Variants in RBL2 observed in about 807,000 individuals in gnomAD.
RBL2 encodes the protein retinoblastoma-like protein 2.
In RBL2, 56 loss-of-function variants were observed where a neutral mutation model predicts 126.0. That is an observed-to-expected ratio of 0.44 (90% CI 0.36 to 0.56). The LOEUF is 0.56. Ranked by LOEUF, RBL2 falls within the 20% of genes least tolerant of loss-of-function variation. The probability of loss-of-function intolerance (pLI) is 0.00; values close to 1 mark genes in which losing one functional copy is unlikely to be tolerated. For missense variants in RBL2, 1,229 were observed against 1,398.2 expected (o/e 0.88, Z 1.93); for synonymous variants, 454 against 478.5 (o/e 0.95, Z 0.67).
intron 14 of RBL2, among the ~76,000 whole-genome samples, chr16:53,468,443 TC>T (rs1325716666): frequency 6.6e-6 from 1 of 151,990 alleles, no homozygotes; most frequent in Non-Finnish European, 1.5e-5. Context: ...TTATGAAAAG[TC>T]CTCATTTTTG....
chr16:53,480,141 A>C, intron 19 of RBL2, 150 bp downstream of exon 19: 1 of 606,666 alleles, frequency 1.6e-6, no homozygotes, highest in Non-Finnish European at 2.9e-6. Context: ...CTAGCTGGCA[A>C]AACTGTCCAT....
At chr16:53,458,998 T>G (rs532267079) in intron 8 of RBL2, among the ~76,000 whole-genome samples, 22 of 152,306 alleles carry the variant, frequency 1.4e-4, no homozygotes, top group African/African-American at 5.3e-4. Context: ...GGAACCAAAT[T>G]TAATCACAAT....
At position 53,438,843 on chromosome 16, in the gene RBL2, CAAAAAAAAAAAA is replaced by C. The variant is rs11302382; in HGVS notation, c.241-155_241-144del. Among the ~76,000 whole-genome samples the C allele has an allele frequency of 6.9e-4, 21 of 30,532 alleles. 1 individual carries two copies. Among genetic ancestry groups the C allele is most frequent in the Non-Finnish European group, 7.8e-4 (12 of 15,438 alleles). 20.0% of individuals were successfully genotyped at this position (30,532 alleles called of 152,430 possible). ...TGGGTGACAGAGCAAGATTCCATCT[CAAAAAAAAAAAA>C]AAAAAAAAAAAAAAAAAGAGCGTAT... On this transcript the variant is annotated intron_variant, in intron 1 of 21. Transcript: ENST00000262133.
intron 4 of RBL2, among the ~76,000 whole-genome samples, chr16:53,449,771 A>T (rs374695435): frequency 1.1e-4 from 16 of 152,258 alleles, no homozygotes; most frequent in African/African-American, 3.8e-4. Flanking sequence ...TCTGGAGATG[A>T]AACATTTCTA....
intron 11 of RBL2, among the ~76,000 whole-genome samples, chr16:53,463,022 G>A (rs534915576): frequency 7.2e-5 from 11 of 152,136 alleles, no homozygotes; most frequent in African/African-American, 2.2e-4. Context: ...TGTATTTTTC[G>A]TAGAGATGGG....
chr16:53,434,730 G>A lies in RBL2; in HGVS notation c.174G>A (p.Met58Ile). ...RFDELCSRLN[M>I]DEAARAEAWD... ...ACGAGCTGTGCAGCCGCCTCAACAT[G>A]GACGAGGCGGCGCGGGCCGAGGCCT... The change falls in exon 1 of 22, where the codon ATG becomes ATA. Residue 58 changes from methionine (M) to isoleucine (I), a missense_variant. By Grantham distance (10) the Met-to-Ile change is conservative (BLOSUM62 1). Transcript: ENST00000262133. The A allele has an allele frequency of 6.4e-7, 1 of 1,551,162 alleles. No homozygotes were observed. Among genetic ancestry groups the A allele is most frequent in the Non-Finnish European group, 8.6e-7 (1 of 1,157,576 alleles).
chr16:53,451,783 G>T lies in RBL2; in HGVS notation c.718G>T (p.Ala240Ser). The change falls in exon 5 of 22, where the codon GCA becomes TCA. Residue 240 changes from alanine (A) to serine (S), a missense_variant. Physicochemically the swap from Ala to Ser is moderately conservative, Grantham distance 99 (BLOSUM62 1). Around this residue, in one of 2 missense-constraint regions of RBL2, gnomAD observed 1,070 missense variants for 1,274.3 expected, o/e 0.84. Coordinates refer to ENST00000262133, the MANE Select transcript of RBL2 (RefSeq NM_005611.4). ...LCALDLVYGNALQCSNRKELV... is the reference protein window; with the variant it reads ...LCALDLVYGNSLQCSNRKELV... ...TGCTTTGGACTTAGTTTATGGAAAT[G>T]CACTTCAGTGTTCTAATCGTAAAGA... is the stretch of plus-strand genomic sequence containing the variant. 1.2e-6 allele frequency: 2 copies of T among 1,613,748 alleles called. No homozygotes were observed. The highest frequency in any genetic ancestry group is 1.7e-6 in the Non-Finnish European group (2 of 1,179,766).
intron 17 of RBL2, 23 bp from the exon 18 acceptor site, chr16:53,479,131 A>G: frequency 6.3e-7 from 1 of 1,590,408 alleles, no homozygotes; most frequent in Non-Finnish European, 8.6e-7. Flanking sequence ...CATGTCTCTC[A>G]GAGCACTCTT....
intron 4 of RBL2, 103 bp downstream of exon 4, chr16:53,447,209 A>C (rs895426811): frequency 3.3e-5 from 19 of 571,898 alleles, no homozygotes; most frequent in African/African-American, 2.7e-4. Context: ...ATTTTCACTG[A>C]AAATTTTCTC....
intron 7 of RBL2, 35 bp from the exon 8 acceptor site, chr16:53,454,617 TGAGA>T: frequency 6.7e-7 from 1 of 1,486,286 alleles, no homozygotes; most frequent in Non-Finnish European, 9.2e-7. Context: ...GGCAGTTCTG[TGAGA>T]GAGTACATTT....
At position 53,479,186 on chromosome 16, in the gene RBL2, T is replaced by C. The variant is rs1960845973; in HGVS notation, c.2736T>C (p.Ile912=). 1 of 1,614,008 alleles carries C rather than the reference T, an allele frequency of 6.2e-7. No homozygotes were observed. Among genetic ancestry groups the C allele is most frequent in the Middle Eastern group, 1.6e-4 (1 of 6,062 alleles). The change falls in exon 18 of 22, where the codon ATT becomes ATC. Residue 912 remains isoleucine, a synonymous_variant. Coordinates refer to ENST00000262133, the MANE Select transcript of RBL2 (RefSeq NM_005611.4). The part of the protein sequence containing the change: ...VTKEDKSFQN[I]MRCYRTQPQA... Reference sequence around the variant, plus strand: ...AAGAAGATAAGTCCTTCCAGAACATTATGCGTTGTTATAGGACTCAGCCGC... The same window carrying C: ...AAGAAGATAAGTCCTTCCAGAACATCATGCGTTGTTATAGGACTCAGCCGC...
intron 21 of RBL2, among the ~76,000 whole-genome samples, chr16:53,485,917 A>AT (rs1961153609): frequency 6.6e-6 from 1 of 152,126 alleles, no homozygotes; most frequent in Non-Finnish European, 1.5e-5. Flanking sequence ...TTAAAAATTG[A>AT]TTCCTCTATG....
chr16:53,455,021 C>CT (rs559015000), intron 8 of RBL2, among the ~76,000 whole-genome samples, 179 bp downstream of exon 8: 241 of 152,222 alleles, frequency 1.6e-3, no homozygotes, highest in African/African-American at 5.5e-3. Context: ...TTAATATCAA[C>CT]TTTCATTCAT....
intron 3 of RBL2, among the ~76,000 whole-genome samples, chr16:53,443,712 G>A (rs2058036976): frequency 6.6e-6 from 1 of 152,186 alleles, no homozygotes; most frequent in Admixed American, 6.5e-5. Flanking sequence ...AGGGAAAGGA[G>A]TTAAAATTAT....
Position 53,434,631 on chromosome 16 carries a change from G to GGAGGAC in RBL2, c.78_83dup (p.Glu26_Asp27dup), listed in dbSNP as rs1199733593. Reference sequence around the variant, plus strand: ...CGGCGGCAGCCTCGGATGAGGAGGAGGAGGACGACGGCGAGGCGGAAGACG... The same window carrying GGAGGAC: ...CGGCGGCAGCCTCGGATGAGGAGGAGGAGGACGAGGACGACGGCGAGGCGGAAGACG... On this transcript the variant is annotated inframe_insertion, in exon 1 of 22. Transcript: ENST00000262133. 1 of 1,562,916 alleles carries GGAGGAC rather than the reference G, an allele frequency of 6.4e-7. No homozygotes were observed. Among genetic ancestry groups the GGAGGAC allele is most frequent in the African/African-American group, 1.4e-5 (1 of 72,580 alleles).
chr16:53,477,362 G>GTCT (rs1960765962), intron 17 of RBL2, among the ~76,000 whole-genome samples: 1 of 152,036 alleles, frequency 6.6e-6, no homozygotes, highest in Non-Finnish European at 1.5e-5. Flanking sequence ...TTTTAAGACT[G>GTCT]AGTCTTGCTC....
At position 53,454,524 on chromosome 16, in the gene RBL2, T is replaced by G. The variant is rs189037442; in HGVS notation, c.993-132T>G. On this transcript the variant is annotated intron_variant, in intron 7 of 21. Transcript: ENST00000262133. ...AGCTATACTATCCAGTTCTTATAAC[T>G]ACAAGTTACCCTACCAAAGTTTAAC... The G allele has an allele frequency of 8.4e-6, 7 of 835,298 alleles. No individual in the cohort carries two copies. The East Asian group carries it at 1.9e-4, about 23-fold the overall frequency. The allele number at this position is 835,298 out of a possible 1,614,324, so 51.7% of individuals were successfully genotyped here. A position where few individuals can be genotyped will look rare whatever the true frequency, so the allele number is the denominator to read the frequency against.
chr16:53,439,223 CTG>C (rs1237753245), intron 2 of RBL2, 77 bp downstream of exon 2: 13 of 1,283,904 alleles, frequency 1.0e-5, no homozygotes, highest in Non-Finnish European at 1.2e-5. Context: ...AGAATTATCT[CTG>C]TTTATCATTT....
rs893142512 is a variant in RBL2 at position 53,434,504 on chromosome 16, C to T, written c.-53C>T. On this transcript the variant is annotated 5_prime_UTR_variant, in exon 1 of 22. Transcript: ENST00000262133. Reference sequence around the variant, plus strand: ...GGCGGGCGCTTCGCCGTTTGAATGGCTGCGGGCCCGGGCCCTCACCTCACC... The same window carrying T: ...GGCGGGCGCTTCGCCGTTTGAATGGTTGCGGGCCCGGGCCCTCACCTCACC... 7.4e-6 allele frequency: 10 copies of T among 1,346,660 alleles called. No homozygotes were observed. Among genetic ancestry groups the T allele is most frequent in the Non-Finnish European group, 9.5e-6 (10 of 1,053,892 alleles). 83.4% of individuals were successfully genotyped at this position (1,346,660 alleles called of 1,614,324 possible).
Sources: allele counts gnomAD v4.1 joint callset (sites outside exome capture counted in the v4.1 genomes callset), GRCh38; gene constraint gnomAD v4.1.1; regional missense constraint gnomAD v4.1.1; transcripts MANE v1.5; gene names NCBI Gene and HGNC (gene_info 2026-07-23, HGNC 2026-07-21).